NBAS: variants seen among roughly 807,000 people sequenced by gnomAD.
NBAS encodes NAG/BC035112 fusion.
A neutral mutation model predicts 302.5 loss-of-function variants in NBAS; 219 were observed. The observed-to-expected ratio is 0.72, with a 90% CI of 0.65 to 0.81. The LOEUF (loss-of-function observed/expected upper bound fraction) is 0.81, where lower values mean the gene tolerates loss of function less well. Ranked by LOEUF, NBAS falls within the 30% of genes least tolerant of loss-of-function variation. The pLI, the probability that NBAS is intolerant of heterozygous loss-of-function variation, is 0.00. For synonymous variants in NBAS, 1,118 were observed against 1,021.6 expected, an observed-to-expected ratio of 1.09 and a Z score of -1.80; for missense variants, 2,932 against 2,841.6, an observed-to-expected ratio of 1.03 and a Z score of -0.72.
the NBAS span, among the ~76,000 whole-genome samples, chr2:14,778,918 T>A: frequency 4.6e-5 from 7 of 152,172 alleles, no homozygotes; most frequent in African/African-American, 1.7e-4. Flanking sequence ...ATTTGTACAG[T>A]GCTTTTTATT....
chr2:15,147,507 C>T, the NBAS span, among the ~76,000 whole-genome samples: 491 of 152,138 alleles, frequency 3.2e-3, 10 homozygotes, highest in African/African-American at 0.011. Context: ...GCAGGAGAAT[C>T]GCTTGAATCC....
chr2:15,229,366 A>AC (rs1667284417), intron 47 of NBAS, among the ~76,000 whole-genome samples: 1 of 150,038 alleles, frequency 6.7e-6, no homozygotes, highest in African/African-American at 2.5e-5. Flanking sequence ...AAAAAAAAAA[A>AC]AAAAAAAAGA....
At chr2:15,105,580 GT>G in the NBAS span, among the ~76,000 whole-genome samples, 1 of 152,024 alleles carries the variant, frequency 6.6e-6, no homozygotes, top group African/African-American at 2.4e-5. Flanking sequence ...CAAAGTCATT[GT>G]TTGACATTGT....
At chr2:14,958,336 G>T in the NBAS span, among the ~76,000 whole-genome samples, 1 of 152,164 alleles carries the variant, frequency 6.6e-6, no homozygotes, top group African/African-American at 2.4e-5. Flanking sequence ...ATCTGGGCAG[G>T]GTTGGATTTA....
At chr2:14,952,593 G>C in the NBAS span, among the ~76,000 whole-genome samples, 1 of 152,188 alleles carries the variant, frequency 6.6e-6, no homozygotes, top group Non-Finnish European at 1.5e-5. Flanking sequence ...CGTTCATTCG[G>C]CCAGCCTGTT....
chr2:15,189,917 A>G (rs1163430848), intron 49 of NBAS, among the ~76,000 whole-genome samples: 1 of 152,184 alleles, frequency 6.6e-6, no homozygotes, highest in African/African-American at 2.4e-5. Flanking sequence ...GAAATTATTC[A>G]TTTATTCCAT....
the NBAS span, among the ~76,000 whole-genome samples, chr2:15,007,587 C>A: frequency 6.6e-6 from 1 of 151,984 alleles, no homozygotes; most frequent in African/African-American, 2.4e-5. Flanking sequence ...TGTAAAGGTC[C>A]CTGTTAATAG....
downstream of NBAS, among the ~76,000 whole-genome samples, chr2:15,166,056 A>AG (rs1157605873): frequency 3.3e-5 from 5 of 151,530 alleles, no homozygotes; most frequent in Admixed American, 1.3e-4. Flanking sequence ...TGTGAGTCTC[A>AG]GGGGGGGCGA....
At chr2:14,823,942 G>C in the NBAS span, among the ~76,000 whole-genome samples, 4 of 152,168 alleles carry the variant, frequency 2.6e-5, no homozygotes, top group Non-Finnish European at 5.9e-5. Context: ...CCACTCCGAG[G>C]CACTGTCTCC....
chr2:15,052,615 C>T, the NBAS span, among the ~76,000 whole-genome samples: 4 of 152,178 alleles, frequency 2.6e-5, no homozygotes, highest in South Asian at 2.1e-4. Flanking sequence ...GAGGCCTCAT[C>T]GACTCATGAC....
chr2:15,410,482 C>T (rs1676629263), intron 25 of NBAS, among the ~76,000 whole-genome samples: 1 of 152,124 alleles, frequency 6.6e-6, no homozygotes, highest in South Asian at 2.1e-4. Context: ...ATTATTTCAT[C>T]CCTTTTTTTC....
rs771490820 is a variant in NBAS at position 15,186,844 on chromosome 2, C to T, written c.6609G>A (p.Val2203=). ...TNNPWVRLAT[V]MLTRCTMENK... Reference sequence around the variant, plus strand: ...TCTCCATCGTACATCTGGTTAGCATCACTGTAGCTAGTCTCACCCATGGAT... The same window carrying T: ...TCTCCATCGTACATCTGGTTAGCATTACTGTAGCTAGTCTCACCCATGGAT... Residue 2203 remains valine (V), a synonymous_variant, in exon 50 of 52, where the codon GTG becomes GTA. Transcript: ENST00000281513. 6.2e-7 allele frequency: 1 copy of T among 1,613,968 alleles called. No individual in the cohort carries two copies. Among genetic ancestry groups the T allele is most frequent in the Non-Finnish European group, 8.5e-7 (1 of 1,179,956 alleles).
At chr2:14,937,409 A>G in the NBAS span, among the ~76,000 whole-genome samples, 1 of 152,170 alleles carries the variant, frequency 6.6e-6, no homozygotes, top group South Asian at 2.1e-4. Flanking sequence ...AGCAGAAGAC[A>G]ACAGAAGCCT....
Position 15,377,884 on chromosome 2 carries a change from C to T in NBAS, c.3590+1718G>A, listed in dbSNP as rs563252711. Reference sequence around the variant, plus strand: ...TATAACATGCAAAATAGTGGGCAAACGATTGGGCTCAAAAATCTCATTACT... The same window carrying T: ...TATAACATGCAAAATAGTGGGCAAATGATTGGGCTCAAAAATCTCATTACT... On this transcript the variant is annotated intron_variant, in intron 30 of 51. Coordinates refer to ENST00000281513, the MANE Select transcript of NBAS (RefSeq NM_015909.4). Among the ~76,000 whole-genome samples, 12 of 152,216 alleles carry T rather than the reference C, an allele frequency of 7.9e-5. No individual in the cohort carries two copies. In the East Asian group the frequency reaches 1.2e-3, roughly 15 times the overall value.
At chr2:14,956,413 C>T in the NBAS span, among the ~76,000 whole-genome samples, 2 of 152,214 alleles carry the variant, frequency 1.3e-5, no homozygotes, top group Admixed American at 1.3e-4. Context: ...CCTCTGCCTG[C>T]TACCCAGTTC....
Position 15,533,501 on chromosome 2 carries a change from T to C in NBAS, c.746+1042A>G, listed in dbSNP as rs76564618. ...AAAGGAAGTCACGAAGTGAGACTTGTATGTCTTCTGTGTGATTCCATTTAC... is the reference window on the plus strand; with the variant it reads ...AAAGGAAGTCACGAAGTGAGACTTGCATGTCTTCTGTGTGATTCCATTTAC... On this transcript the variant is annotated intron_variant, in intron 9 of 51. Transcript: ENST00000281513. Among the ~76,000 whole-genome samples, 724 of 152,326 alleles carry C rather than the reference T, an allele frequency of 4.8e-3. 8 individuals carry two copies. Among genetic ancestry groups the C allele is most frequent in the African/African-American group, 0.016 (672 of 41,568 alleles).
chr2:15,498,468 C>T (rs982895255), intron 11 of NBAS, among the ~76,000 whole-genome samples: 3 of 152,174 alleles, frequency 2.0e-5, no homozygotes, highest in Non-Finnish European at 4.4e-5. Context: ...AAAAGGAACG[C>T]TTACACACTG....
the NBAS span, among the ~76,000 whole-genome samples, chr2:15,084,312 C>T: frequency 1.3e-5 from 2 of 152,226 alleles, no homozygotes; most frequent in African/African-American, 4.8e-5. Context: ...ATCAACCTGA[C>T]TCAGCCTCCC....
intron 38 of NBAS, among the ~76,000 whole-genome samples, chr2:15,325,382 TA>T (rs72159003): frequency 1.3e-4 from 20 of 151,242 alleles, no homozygotes; most frequent in African/African-American, 2.9e-4. Flanking sequence ...CCTTTATTGC[TA>T]AAAAAAAAGC....
Sources: gnomAD v4.1 joint callset for allele counts (sites outside exome capture counted in the v4.1 genomes callset) on GRCh38, gnomAD v4.1.1 for gene constraint, MANE v1.5 for transcripts, NCBI Gene and HGNC (gene_info 2026-07-23, HGNC 2026-07-21) for gene names.